The following ABCC1 variants were observed in gnomAD, a reference collection of about 807,000 sequenced individuals.
The protein encoded by ABCC1 is ATP binding cassette subfamily C member 1 (ABCC1 blood group).
In ABCC1, 83 loss-of-function variants were observed where a neutral mutation model predicts 172.9. That is an observed-to-expected ratio of 0.48 (90% confidence interval 0.40 to 0.58). The LOEUF (loss-of-function observed/expected upper bound fraction) is 0.58. Among genes scored for constraint, ABCC1 ranks in the 20% least tolerant of loss-of-function variants. ABCC1 has a pLI of 0.00. For synonymous variants in ABCC1, 937 were observed against 825.2 expected, an observed-to-expected ratio of 1.14 and a Z score of -2.32; for missense variants, 1,817 against 2,002.7, an observed-to-expected ratio of 0.91 and a Z score of 1.77.
At chr16:16,087,800 A>G (rs1052965193) in intron 18 of ABCC1, among the ~76,000 whole-genome samples, 1 of 152,082 alleles carries the variant, frequency 6.6e-6, no homozygotes, top group African/African-American at 2.4e-5. Flanking sequence ...CATGGGGGGC[A>G]TATAGATTAA....
intron 1 of ABCC1, among the ~76,000 whole-genome samples, chr16:15,956,320 G>A (rs1009008995): frequency 7.3e-5 from 11 of 151,660 alleles, no homozygotes; most frequent in African/African-American, 1.5e-4. Context: ...AGCCGAGATC[G>A]CGCCATTGCA....
chr16:16,032,826 C>T (rs1192215647), intron 5 of ABCC1, among the ~76,000 whole-genome samples: 1 of 152,114 alleles, frequency 6.6e-6, no homozygotes, highest in East Asian at 1.9e-4. Context: ...ACACCAACTC[C>T]TAGGGTTGTT....
At chr16:15,968,580 T>C (rs1205948218) in intron 1 of ABCC1, among the ~76,000 whole-genome samples, 1 of 152,042 alleles carries the variant, frequency 6.6e-6, no homozygotes, top group Non-Finnish European at 1.5e-5. Flanking sequence ...TTTTACCATT[T>C]TGGCCAGGCT....
chr16:16,129,861 A>T (rs546383401), intron 26 of ABCC1, among the ~76,000 whole-genome samples: 1 of 152,282 alleles, frequency 6.6e-6, no homozygotes, highest in South Asian at 2.1e-4. Flanking sequence ...TAGCACGTCC[A>T]CAAAAGGGCT....
intron 12 of ABCC1, among the ~76,000 whole-genome samples, chr16:16,063,012 A>G (rs1163483844): frequency 1.3e-5 from 2 of 152,146 alleles, no homozygotes; most frequent in Admixed American, 6.5e-5. Context: ...ATCATTCTCT[A>G]TGGTAATGAT....
chr16:16,059,559 C>T (rs1188185725), intron 12 of ABCC1, among the ~76,000 whole-genome samples: 6 of 152,076 alleles, frequency 3.9e-5, no homozygotes, highest in Non-Finnish European at 8.8e-5. Flanking sequence ...AATCTCAGCA[C>T]TTTGGGAGGC....
intron 20 of ABCC1, among the ~76,000 whole-genome samples, chr16:16,104,138 C>T (rs1161525659): frequency 6.6e-6 from 1 of 152,136 alleles, no homozygotes; most frequent in Non-Finnish European, 1.5e-5. Context: ...CTCACAAAGG[C>T]AATGTGGACC....
rs144546099 is a variant in ABCC1, at chr16:16,042,767, A to G, written c.810-1683A>G. On this transcript the variant is annotated intron_variant, in intron 7 of 30. Transcript: ENST00000399410. Reference sequence around the variant, plus strand: ...TTTTTGGTGACAGCTTTATTGAGATATTCATACACCGCACAATTCATGTAT... The same window carrying G: ...TTTTTGGTGACAGCTTTATTGAGATGTTCATACACCGCACAATTCATGTAT... Among the ~76,000 whole-genome samples, 217 of 152,076 alleles carry G rather than the reference A, an allele frequency of 1.4e-3. 1 individual carries two copies. Among genetic ancestry groups the G allele is most frequent in the Admixed American group, 3.8e-3 (58 of 15,266 alleles).
rs148271597 is a variant in ABCC1, at chr16:16,065,335, A to G, written c.1678-2821A>G. ...TGGTGCGGGGGCACAGTAATAGCTC[A>G]CTGCAGCCTCGACCTCCTGGGCTCA... On this transcript the variant is annotated intron_variant, in intron 12 of 30. Transcript: ENST00000399410. 7.3e-3 allele frequency among the ~76,000 whole-genome samples: 1,108 copies of G among 152,272 alleles called. 17 individuals carry two copies. The highest frequency in any genetic ancestry group is 8.6e-3 in the Non-Finnish European group (583 of 68,014).
intron 26 of ABCC1, among the ~76,000 whole-genome samples, chr16:16,130,658 T>C (rs1174688940): frequency 6.6e-6 from 1 of 152,242 alleles, no homozygotes; most frequent in African/African-American, 2.4e-5. Context: ...TCTTTTGAAA[T>C]ACATCTATTA....
chr16:15,951,287 G>A (rs936268701), intron 1 of ABCC1, among the ~76,000 whole-genome samples: 2 of 152,288 alleles, frequency 1.3e-5, no homozygotes. Flanking sequence ...GTATCAGGAC[G>A]TATTTTATTG....
At chr16:16,084,846 C>G (rs2050946889) in intron 17 of ABCC1, among the ~76,000 whole-genome samples, 1 of 152,148 alleles carries the variant, frequency 6.6e-6, no homozygotes, top group South Asian at 2.1e-4. Context: ...ATCTTGAACT[C>G]CTGGCCTCAG....
intron 13 of ABCC1, among the ~76,000 whole-genome samples, chr16:16,068,993 TAAA>T (rs35133979): frequency 1.6e-5 from 2 of 124,164 alleles, no homozygotes. Context: ...GTCTCAAAAT[TAAA>T]AAAAAAAAAA....
At chr16:16,132,262 C>T (rs997672706) in intron 27 of ABCC1, among the ~76,000 whole-genome samples, 7 of 151,834 alleles carry the variant, frequency 4.6e-5, no homozygotes, top group African/African-American at 9.7e-5. Context: ...TGATCTCAGC[C>T]CACTGCAGCG....
chr16:16,011,448 G>T (rs2047782950), intron 3 of ABCC1, among the ~76,000 whole-genome samples: 1 of 151,902 alleles, frequency 6.6e-6, no homozygotes, highest in Non-Finnish European at 1.5e-5. Context: ...GGTTGCCAAG[G>T]ACCATGAATC....
rs577094320 is a variant in ABCC1, at chr16:15,995,505, T to C, written c.49-12311T>C. On this transcript the variant is annotated intron_variant, in intron 1 of 30. Coordinates refer to ENST00000399410, the MANE Select transcript of ABCC1 (RefSeq NM_004996.4). The stretch of plus-strand genomic sequence containing the variant: ...TCAAGCCATTTGCTCCCATTGGGCA[T>C]ACATAGAGTTGTTTTTTTTAGCTGT... Among the ~76,000 whole-genome samples the C allele has an allele frequency of 3.6e-5, 4 of 112,438 alleles. 1 individual carries two copies. In the South Asian group the frequency reaches 1.5e-3, roughly 43 times the overall value. The allele number at this position is 112,438 out of a possible 152,430, so 73.8% of individuals were successfully genotyped here. A position where few individuals can be genotyped will look rare whatever the true frequency, so the allele number is the denominator to read the frequency against.
At chr16:16,064,455 T>C (rs1346788561) in intron 12 of ABCC1, among the ~76,000 whole-genome samples, 2 of 152,202 alleles carry the variant, frequency 1.3e-5, no homozygotes, top group East Asian at 3.8e-4. Flanking sequence ...GAGGGGTGGA[T>C]GGCTAGATGA....
In ABCC1 at chr16:16,090,510, C is replaced by T; in HGVS notation, c.2566C>T (p.Leu856=). 2 of 1,613,886 alleles carry T rather than the reference C, an allele frequency of 1.2e-6. No homozygotes were observed. Among genetic ancestry groups the T allele is most frequent in the Middle Eastern group, 1.7e-4 (1 of 6,060 alleles). Residue 856 remains leucine (L), a synonymous_variant, in exon 19 of 31, where the codon CTG becomes TTG. Transcript: ENST00000399410. ...TGAGATGGGCTCCTACCAGGAGCTG[C>T]TGGCTCGAGACGGCGCCTTCGCTGA... The part of the protein sequence containing the change: ...ISEMGSYQEL[L]ARDGAFAEFL...
At position 16,102,673 on chromosome 16, in the gene ABCC1, G is replaced by T; in HGVS notation, c.2691G>T (p.Glu897Asp). 1 of 1,592,504 alleles carries T rather than the reference G, an allele frequency of 6.3e-7. No homozygotes were observed. The highest frequency in any genetic ancestry group is 8.6e-7 in the Non-Finnish European group (1 of 1,169,418). ...SGPGKEAKQM[E>D]NGMLVTDSAG... ...CAGGGAAGGAAGCAAAGCAAATGGA[G>T]AATGGCATGCTGGTGACGGACAGTG... The change falls in exon 20 of 31, where the codon GAG (glutamate) becomes GAT (aspartate). Residue 897 changes from glutamate to aspartate, a missense_variant. Glu to Asp is a conservative substitution (Grantham distance 45). Transcript: ENST00000399410.
Sources: gnomAD v4.1 joint callset for allele counts (sites outside exome capture counted in the v4.1 genomes callset) on GRCh38, gnomAD v4.1.1 for gene constraint, MANE v1.5 for transcripts, NCBI Gene and HGNC (gene_info 2026-07-23, HGNC 2026-07-21) for gene names.